Variants in SRRM4 observed in about 807,000 individuals in gnomAD.
The protein encoded by SRRM4 is serine/arginine repetitive matrix protein 4.
SRRM4 carries 33 observed loss-of-function variants against 68.9 expected under a neutral mutation model. The observed-to-expected ratio is 0.48, with a 90% CI of 0.36 to 0.64. SRRM4 has a LOEUF of 0.64. Ranked by LOEUF, SRRM4 falls within the 30% of genes least tolerant of loss-of-function variation. The probability of loss-of-function intolerance (pLI) is 0.00; values close to 1 mark genes in which losing one functional copy is unlikely to be tolerated. For synonymous variants in SRRM4, 318 were observed against 318.8 expected (o/e 1.00, Z 0.03); for missense variants, 817 against 827.1 (o/e 0.99, Z 0.15).
At chr12:119,050,552 G>A (rs1210843254) in intron 1 of SRRM4, among the ~76,000 whole-genome samples, 1 of 152,222 alleles carries the variant, frequency 6.6e-6, no homozygotes, top group Non-Finnish European at 1.5e-5. Flanking sequence ...ACTTGCAGCA[G>A]AGTGTAAGAC....
chr12:119,113,633 T>C (rs1954158430), intron 2 of SRRM4, among the ~76,000 whole-genome samples: 1 of 152,208 alleles, frequency 6.6e-6, no homozygotes, highest in Non-Finnish European at 1.5e-5. Flanking sequence ...TAAAACCATC[T>C]TCCTTTGCCA....
chr12:118,986,622 A>G (rs984285835), intron 1 of SRRM4, among the ~76,000 whole-genome samples: 1 of 151,768 alleles, frequency 6.6e-6, no homozygotes, highest in African/African-American at 2.4e-5. Context: ...AATAGACTTG[A>G]CTCTCCCTGG....
At position 119,011,930 on chromosome 12, in the gene SRRM4, A is replaced by T. The variant is rs576405371; in HGVS notation, c.131+29917A>T. Among the ~76,000 whole-genome samples, 9 of 152,324 alleles carry T rather than the reference A, an allele frequency of 5.9e-5. No homozygotes were observed. The South Asian group carries it at 1.9e-3, about 32-fold the overall frequency. Reference sequence around the variant, plus strand: ...CTCTAAGCTCACCTGTAAAATGGGGATGATGGTAGTGTCCACCTCATAGGT... The same window carrying T: ...CTCTAAGCTCACCTGTAAAATGGGGTTGATGGTAGTGTCCACCTCATAGGT... On this transcript the variant is annotated intron_variant, in intron 1 of 12. Transcript: ENST00000267260.
chr12:119,119,389 A>T (rs1464938240), intron 4 of SRRM4, among the ~76,000 whole-genome samples: 1 of 151,846 alleles, frequency 6.6e-6, no homozygotes, highest in Non-Finnish European at 1.5e-5. Context: ...AAAATCGATC[A>T]TTCTAATATG....
chr12:119,108,801 G>A (rs917983591), intron 2 of SRRM4, among the ~76,000 whole-genome samples: 1 of 152,074 alleles, frequency 6.6e-6, no homozygotes, highest in Non-Finnish European at 1.5e-5. Flanking sequence ...CTTTTAATTG[G>A]AGCATTTAGC....
intron 8 of SRRM4, among the ~76,000 whole-genome samples, chr12:119,138,473 G>A (rs543842028): frequency 3.3e-5 from 5 of 152,226 alleles, no homozygotes; most frequent in Admixed American, 1.3e-4. Context: ...TGGCAGTCTG[G>A]ACATACTAGA....
At chr12:119,112,012 C>G (rs1193886150) in intron 2 of SRRM4, among the ~76,000 whole-genome samples, 16 of 151,638 alleles carry the variant, frequency 1.1e-4, no homozygotes, top group Admixed American at 9.9e-4. Context: ...TGCCACTGCA[C>G]TCCAGCCTAG....
At chr12:119,151,530 G>T (rs1176905791) in intron 10 of SRRM4, among the ~76,000 whole-genome samples, 1 of 152,168 alleles carries the variant, frequency 6.6e-6, no homozygotes, top group East Asian at 1.9e-4. Context: ...ATGAGAATGA[G>T]CTAATGTGTA....
chr12:119,043,807 C>CACACACA (rs1491405363), intron 1 of SRRM4, among the ~76,000 whole-genome samples: 5 of 151,430 alleles, frequency 3.3e-5, no homozygotes, highest in Non-Finnish European at 7.4e-5. Flanking sequence ...CACACACACA[C>CACACACA]AAGTCTTGGG....
chr12:118,991,961 C>T (rs1490901858), intron 1 of SRRM4, among the ~76,000 whole-genome samples: 2 of 152,186 alleles, frequency 1.3e-5, no homozygotes, highest in Non-Finnish European at 2.9e-5. Context: ...TCTCATTTTA[C>T]ACGTGGAGGG....
chr12:119,150,969 C>T (rs1434851501), intron 9 of SRRM4, 48 bp from the exon 10 acceptor site: 5 of 1,575,958 alleles, frequency 3.2e-6, no homozygotes, highest in East Asian at 2.3e-5. Flanking sequence ...ACAAGATGCT[C>T]CCAGAGTAGT....
rs535043573 is a variant in SRRM4, at chr12:119,058,077, G to A, written c.132-44159G>A. Among the ~76,000 whole-genome samples, 117 of 152,266 alleles carry A rather than the reference G, an allele frequency of 7.7e-4. 1 individual carries two copies. Among genetic ancestry groups the A allele is most frequent in the Middle Eastern group, 6.8e-3 (2 of 294 alleles). ...GGAGTTCCTGGAAGAGGGAACAGTAGGTGCAAAGCATGTAACTGCCTCATT... is the reference window on the plus strand; with the variant it reads ...GGAGTTCCTGGAAGAGGGAACAGTAAGTGCAAAGCATGTAACTGCCTCATT... On this transcript the variant is annotated intron_variant, in intron 1 of 12. Transcript: ENST00000267260.
chr12:119,126,344 C>T (rs1189270064), intron 7 of SRRM4, among the ~76,000 whole-genome samples: 1 of 152,072 alleles, frequency 6.6e-6, no homozygotes, highest in Admixed American at 6.5e-5. Flanking sequence ...TTTGTACATC[C>T]ACTTGCAGGA....
At chr12:119,138,713 G>A (rs1483731479) in intron 8 of SRRM4, among the ~76,000 whole-genome samples, 2 of 152,258 alleles carry the variant, frequency 1.3e-5, no homozygotes, top group East Asian at 3.9e-4. Flanking sequence ...CATTACAGAG[G>A]TTCCTTGCCC....
intron 8 of SRRM4, among the ~76,000 whole-genome samples, chr12:119,134,974 A>C (rs1199221695): frequency 6.6e-6 from 1 of 152,168 alleles, no homozygotes; most frequent in African/African-American, 2.4e-5. Flanking sequence ...CACATACTTT[A>C]CATAATTTTT....
At chr12:118,984,253 T>G (rs1355362853) in intron 1 of SRRM4, among the ~76,000 whole-genome samples, 4 of 152,324 alleles carry the variant, frequency 2.6e-5, no homozygotes, top group South Asian at 2.1e-4. Flanking sequence ...TTCCACTTCC[T>G]TTTCAACATT....
At chr12:119,027,199 C>G (rs1372984472) in intron 1 of SRRM4, among the ~76,000 whole-genome samples, 2 of 152,206 alleles carry the variant, frequency 1.3e-5, no homozygotes, top group Non-Finnish European at 2.9e-5. Context: ...TAAACCAACA[C>G]TGGATCACCC....
intron 1 of SRRM4, among the ~76,000 whole-genome samples, chr12:119,078,383 G>A (rs187495167): frequency 6.6e-6 from 1 of 152,266 alleles, no homozygotes; most frequent in Admixed American, 6.5e-5. Context: ...CAATTAATGG[G>A]GGCAGGATGT....
rs114816729 is a variant in SRRM4, at chr12:118,987,327, T to G, written c.131+5314T>G. On this transcript the variant is annotated intron_variant, in intron 1 of 12. Transcript: ENST00000267260. ...CTATGCCAGGGGCTACCCAACGAGA[T>G]GCAGAGAGGGGGGATGCTAAAGCCC... is the stretch of plus-strand genomic sequence containing the variant. 3.9e-3 allele frequency among the ~76,000 whole-genome samples: 599 copies of G among 152,234 alleles called. 4 individuals carry two copies. The highest frequency in any genetic ancestry group is 0.013 in the African/African-American group (560 of 41,528).
Sources: allele counts gnomAD v4.1 joint callset (sites outside exome capture counted in the v4.1 genomes callset), GRCh38; gene constraint gnomAD v4.1.1; transcripts MANE v1.5; gene names NCBI Gene and HGNC (gene_info 2026-07-23, HGNC 2026-07-21).